Variants in WDPCP observed in about 807,000 individuals in gnomAD.
WDPCP encodes the protein WD repeat-containing and planar cell polarity effector protein fritz homolog.
A neutral mutation model predicts 93.1 loss-of-function variants in WDPCP; 71 were observed. The ratio of observed to expected loss-of-function variants is 0.76; its 90% CI spans 0.63 to 0.93. The LOEUF (loss-of-function observed/expected upper bound fraction) is 0.93. WDPCP is among the 40% of genes least tolerant of loss of function. The pLI, the probability that WDPCP is intolerant of heterozygous loss-of-function variation, is 0.00. For missense variants in WDPCP, 844 were observed against 887.4 expected (o/e 0.95, Z 0.62); for synonymous variants, 315 against 315.0 (o/e 1.00, Z 0.00).
At position 63,752,613 on chromosome 2, in the gene WDPCP, AC is replaced by A. The variant is rs546315924; in HGVS notation, n.308+61008del. On this transcript the variant is annotated intron_variant and non_coding_transcript_variant, in intron 2 of 4. Transcript: ENST00000467687. ...AAGAGCTGCTCAGGCTCTTTAGGAT[AC>A]TGATTTAGACATGACGGTGGCGGTG... 7.6e-6 allele frequency: 4 copies of A among 528,892 alleles called. No individual in the cohort carries two copies. In the South Asian group the frequency reaches 1.0e-4, roughly 13 times the overall value. The allele number at this position is 528,892 out of a possible 1,614,324, so 32.8% of individuals were successfully genotyped here.
chr2:63,591,150 G>A (rs1298606755), upstream of WDPCP, among the ~76,000 whole-genome samples: 4 of 152,242 alleles, frequency 2.6e-5, no homozygotes, highest in Non-Finnish European at 5.9e-5. Flanking sequence ...CCTGCTAAGA[G>A]CAAAGACGTT....
intron 14 of WDPCP, among the ~76,000 whole-genome samples, chr2:63,176,688 G>T (rs1325024640): frequency 6.6e-6 from 1 of 152,120 alleles, no homozygotes; most frequent in Admixed American, 6.6e-5. Flanking sequence ...CATTCCTTAG[G>T]CTGTCTGTTC....
intron 12 of WDPCP, among the ~76,000 whole-genome samples, chr2:63,338,776 C>G (rs1395662770): frequency 6.6e-6 from 1 of 151,446 alleles, no homozygotes; most frequent in African/African-American, 2.4e-5. Flanking sequence ...GTTTCAGTTA[C>G]TATGGCTTTG....
At chr2:63,647,638 T>C (rs895478950) in intron 3 of WDPCP, among the ~76,000 whole-genome samples, 4 of 152,214 alleles carry the variant, frequency 2.6e-5, no homozygotes, top group African/African-American at 9.6e-5. Context: ...GGAAAGTGAC[T>C]GCCTATAAAA....
chr2:63,218,941 A>T (rs1005983439), intron 14 of WDPCP, among the ~76,000 whole-genome samples: 1 of 152,210 alleles, frequency 6.6e-6, no homozygotes, highest in Non-Finnish European at 1.5e-5. Context: ...AGTATGTTTT[A>T]AAATATGGCT....
intron 14 of WDPCP, among the ~76,000 whole-genome samples, chr2:63,202,661 CG>C (rs1465527019): frequency 6.6e-6 from 1 of 152,094 alleles, no homozygotes; most frequent in Admixed American, 6.6e-5. Flanking sequence ...TTCCATAAAG[CG>C]TTACATCTTC....
At chr2:63,212,266 C>G (rs1676886528) in intron 14 of WDPCP, among the ~76,000 whole-genome samples, 1 of 152,220 alleles carries the variant, frequency 6.6e-6, no homozygotes, top group Admixed American at 6.5e-5. Context: ...AACAGCAGAT[C>G]TCTTCACAGA....
intron 12 of WDPCP, among the ~76,000 whole-genome samples, chr2:63,313,886 A>ATGTGTGTGTGTGTATATATATATATTTTT: frequency 1.1e-4 from 8 of 74,472 alleles, no homozygotes; most frequent in East Asian, 3.9e-4. Flanking sequence ...ATATATATAT[A>ATGTGTGTGTGTGTATATATATATATTTTT]TTTTTTTTTT....
intron 14 of WDPCP, among the ~76,000 whole-genome samples, chr2:63,179,344 T>C (rs768120564): frequency 1.3e-5 from 2 of 151,798 alleles, no homozygotes; most frequent in Non-Finnish European, 2.9e-5. Flanking sequence ...CTTTTCCTCA[T>C]GGAGGAAGGT....
rs573878737 is a variant in WDPCP at position 63,826,467 on chromosome 2, C to T, written n.222+1155G>A. On this transcript the variant is annotated intron_variant and non_coding_transcript_variant, in intron 1 of 4. Transcript: ENST00000467687. ...AGGTATTTTAAGCAGTCCTTGTTAACTTTTAGTTCTTTTTTCTCTTTTATA... is the reference window on the plus strand; with the variant it reads ...AGGTATTTTAAGCAGTCCTTGTTAATTTTTAGTTCTTTTTTCTCTTTTATA... Among the ~76,000 whole-genome samples the T allele has an allele frequency of 1.2e-3, 181 of 152,170 alleles. 1 individual carries two copies. The highest frequency in any genetic ancestry group is 2.2e-3 in the Non-Finnish European group (150 of 67,966).
At chr2:63,715,193 G>A (rs771062452) in intron 2 of WDPCP, among the ~76,000 whole-genome samples, 1 of 152,234 alleles carries the variant, frequency 6.6e-6, no homozygotes, top group Non-Finnish European at 1.5e-5. Flanking sequence ...AAAATATTTT[G>A]GAATTTGATA....
At chr2:63,770,895 T>C (rs1163879686) in intron 2 of WDPCP, among the ~76,000 whole-genome samples, 2 of 151,918 alleles carry the variant, frequency 1.3e-5, no homozygotes, top group East Asian at 3.8e-4. Context: ...CTTCCCAATT[T>C]CTTGTTTTAA....
chr2:63,575,344 TGTATATG>T (rs1575681054), intron 1 of WDPCP, among the ~76,000 whole-genome samples: 2 of 142,416 alleles, frequency 1.4e-5, no homozygotes, highest in Non-Finnish European at 1.5e-5. Flanking sequence ...TGGTATATAC[TGTATATG>T]GTATATACAG....
chr2:63,814,064 C>A (rs1670896536), intron 1 of WDPCP, among the ~76,000 whole-genome samples: 1 of 152,024 alleles, frequency 6.6e-6, no homozygotes, highest in Non-Finnish European at 1.5e-5. Flanking sequence ...GGAAAGATAA[C>A]AAAGGGGTGG....
intron 12 of WDPCP, among the ~76,000 whole-genome samples, chr2:63,334,826 C>A (rs553533477): frequency 1.9e-5 from 1 of 51,988 alleles, no homozygotes; most frequent in South Asian, 7.9e-4. Flanking sequence ...CTAAATAGGA[C>A]AGATACAAAG....
intron 12 of WDPCP, among the ~76,000 whole-genome samples, chr2:63,361,473 A>G (rs1225672272): frequency 6.6e-6 from 1 of 152,230 alleles, no homozygotes; most frequent in African/African-American, 2.4e-5. Context: ...GGCATATAGT[A>G]AACAAGTATT....
At chr2:63,649,257 T>C (rs551786313) in intron 3 of WDPCP, among the ~76,000 whole-genome samples, 5 of 152,346 alleles carry the variant, frequency 3.3e-5, no homozygotes, top group African/African-American at 1.2e-4. Context: ...TTGTCTATTC[T>C]GGACATTTCA....
chr2:63,492,746 G>A, intron 2 of WDPCP, 110 bp downstream of exon 2: 1 of 963,302 alleles, frequency 1.0e-6, no homozygotes. Flanking sequence ...TAAGAATAAA[G>A]AAAGAATGCA....
chr2:63,627,398 GA>G, intron 3 of WDPCP, among the ~76,000 whole-genome samples: 1 of 152,252 alleles, frequency 6.6e-6, no homozygotes, highest in Non-Finnish European at 1.5e-5. Context: ...ATAAAGACAG[GA>G]GGCAGAGAAA....
Sources: allele counts gnomAD v4.1 joint callset (sites outside exome capture counted in the v4.1 genomes callset), GRCh38; gene constraint gnomAD v4.1.1; transcripts MANE v1.5; gene names NCBI Gene and HGNC (gene_info 2026-07-23, HGNC 2026-07-21).